IRAG2: variants seen among roughly 807,000 people sequenced by gnomAD.
IRAG2 encodes inositol 1,4,5-triphosphate receptor associated 2, also known as lymphoid restricted membrane protein.
A neutral mutation model predicts 69.9 loss-of-function variants in IRAG2; 45 were observed. That is an observed-to-expected ratio of 0.64 (90% CI 0.51 to 0.83). IRAG2 has a LOEUF of 0.83. IRAG2 is among the 40% of genes least tolerant of loss of function. The probability of loss-of-function intolerance (pLI) is 0.00; values close to 1 mark genes in which losing one functional copy is unlikely to be tolerated. For missense variants in IRAG2, 520 were observed against 587.0 expected, an observed-to-expected ratio of 0.89 and a Z score of 1.18; for synonymous variants, 193 against 202.4, an observed-to-expected ratio of 0.95 and a Z score of 0.40.
At chr12:25,021,091 C>CTTT (rs71063389) in intron 7 of IRAG2, 699 of 271,388 alleles carry the variant, frequency 2.6e-3, no homozygotes, top group East Asian at 3.4e-3. Flanking sequence ...TCTTTCTTTT[C>CTTT]TTTTTTTTTT....
chr12:25,071,302 C>T (rs896435370), intron 6 of IRAG2, among the ~76,000 whole-genome samples: 3 of 151,914 alleles, frequency 2.0e-5, no homozygotes, highest in African/African-American at 4.8e-5. Context: ...GCCGAGATTG[C>T]GCCACTGCAC....
chr12:25,013,065 C>T (rs1319519304), intron 3 of IRAG2, among the ~76,000 whole-genome samples: 1 of 152,140 alleles, frequency 6.6e-6, no homozygotes, highest in African/African-American at 2.4e-5. Flanking sequence ...GACTCTAGCC[C>T]ATGTGGTGGA....
chr12:25,067,065 C>G (rs1324703620), intron 5 of IRAG2, among the ~76,000 whole-genome samples: 1 of 152,152 alleles, frequency 6.6e-6, no homozygotes, highest in African/African-American at 2.4e-5. Flanking sequence ...ATTAGACTAC[C>G]TAAAATGTTT....
At chr12:25,076,654 G>A (rs1946707895) in intron 6 of IRAG2, 1 of 975,076 alleles carries the variant, frequency 1.0e-6, no homozygotes, top group African/African-American at 1.8e-5. Flanking sequence ...CAAAATGAAG[G>A]CTTTTCTGAC....
chr12:25,021,193 C>T, intron 7 of IRAG2: 1 of 203,368 alleles, frequency 4.9e-6, no homozygotes, highest in South Asian at 1.9e-4. Flanking sequence ...CAGCCTCGAC[C>T]TCCCAGGCTC....
At chr12:25,092,400 C>CAA (rs776677425) in intron 14 of IRAG2, among the ~76,000 whole-genome samples, 10,209 of 117,288 alleles carry the variant, frequency 0.087, 626 homozygotes, top group African/African-American at 0.11. Context: ...AACTCCATCT[C>CAA]AAAAAAAAAA....
chr12:25,047,544 G>A (rs886976148), upstream of IRAG2, among the ~76,000 whole-genome samples: 7 of 152,118 alleles, frequency 4.6e-5, no homozygotes, highest in Non-Finnish European at 8.8e-5. Flanking sequence ...GTGGTTTGCT[G>A]CACAGATCAA....
intron 15 of IRAG2, chr12:25,037,857 G>A (rs859202): frequency 0.71 from 281,855 of 396,352 alleles, 100,804 homozygotes; most frequent in Admixed American, 0.73. Flanking sequence ...TTGACATACA[G>A]TTTTGGCATC....
At chr12:25,006,582 T>A (rs1393257608) in intron 2 of IRAG2, among the ~76,000 whole-genome samples, 1 of 152,214 alleles carries the variant, frequency 6.6e-6, no homozygotes, top group Non-Finnish European at 1.5e-5. Context: ...GCAACATGGA[T>A]GCAGCTGGAG....
intron 5 of IRAG2, among the ~76,000 whole-genome samples, chr12:25,067,393 G>C (rs774866198): frequency 6.6e-6 from 1 of 152,116 alleles, no homozygotes; most frequent in African/African-American, 2.4e-5. Flanking sequence ...TGGGCGTCCA[G>C]TAATTCAGTT....
chr12:25,098,546 C>A (rs1437029482), intron 15 of IRAG2, among the ~76,000 whole-genome samples: 1 of 152,210 alleles, frequency 6.6e-6, no homozygotes, highest in Non-Finnish European at 1.5e-5. Flanking sequence ...TGGGAGCCTT[C>A]CCGACTAATT....
chr12:25,077,404 TACA>T (rs1946901299), intron 6 of IRAG2, among the ~76,000 whole-genome samples: 2 of 136,732 alleles, frequency 1.5e-5, no homozygotes, highest in African/African-American at 2.8e-5. Flanking sequence ...GAAATATATA[TACA>T]CATAATAGTA....
At chr12:25,038,209 C>A (rs1437316063) in intron 16 of IRAG2, 2 of 397,192 alleles carry the variant, frequency 5.0e-6, no homozygotes, top group Admixed American at 4.4e-5. Flanking sequence ...CCACTGCATT[C>A]AGTTTACTTT....
intron 6 of IRAG2, among the ~76,000 whole-genome samples, chr12:25,074,769 T>C (rs1213740047): frequency 6.6e-6 from 1 of 152,242 alleles, no homozygotes; most frequent in Admixed American, 6.5e-5. Context: ...AAAAATTACA[T>C]ATACCAAATA....
At chr12:25,011,651 T>C in intron 3 of IRAG2, 3 of 794,526 alleles carry the variant, frequency 3.8e-6, no homozygotes, top group Non-Finnish European at 5.1e-6. Context: ...AATACTATTG[T>C]CCAGTGCTTT....
chr12:24,998,621 G>A, the IRAG2 span, among the ~76,000 whole-genome samples: 1 of 152,010 alleles, frequency 6.6e-6, no homozygotes. Context: ...AGAGTTTAGT[G>A]GCATCTAATC....
At chr12:25,021,315 A>G in intron 7 of IRAG2, among the ~76,000 whole-genome samples, 1 of 151,816 alleles carries the variant, frequency 6.6e-6, no homozygotes, top group East Asian at 1.9e-4. Flanking sequence ...TCTCAGTCAC[A>G]TTCACAATAG....
At chr12:25,081,973 C>T (rs1227156623) in intron 9 of IRAG2, among the ~76,000 whole-genome samples, 1 of 152,144 alleles carries the variant, frequency 6.6e-6, no homozygotes, top group Non-Finnish European at 1.5e-5. Context: ...TAGCTCACTG[C>T]AGCCTCAAAC....
intron 6 of IRAG2, among the ~76,000 whole-genome samples, chr12:25,018,243 C>A (rs1447991680): frequency 3.1e-5 from 4 of 128,874 alleles, no homozygotes; most frequent in African/African-American, 1.2e-4. Context: ...GACACCCAGG[C>A]TGTAGTGCAG....
Sources: gnomAD v4.1 joint callset for allele counts (sites outside exome capture counted in the v4.1 genomes callset) on GRCh38, gnomAD v4.1.1 for gene constraint, MANE v1.5 for transcripts, NCBI Gene and HGNC (gene_info 2026-07-23, HGNC 2026-07-21) for gene names.